The following GABRB3 variants were observed in gnomAD, a reference collection of about 807,000 sequenced individuals.
GABRB3 encodes gamma-aminobutyric acid receptor subunit beta-3.
GABRB3 carries 14 observed loss-of-function variants against 52.1 expected under a neutral mutation model. The observed-to-expected ratio is 0.27, with a 90% CI of 0.18 to 0.42. GABRB3 has a LOEUF of 0.42. Ranked by LOEUF, GABRB3 falls within the 10% of genes least tolerant of loss-of-function variation. The pLI is 1.00. For missense variants in GABRB3, 307 were observed against 609.1 expected, an observed-to-expected ratio of 0.50 and a Z score of 5.22; for synonymous variants, 260 against 232.3, an observed-to-expected ratio of 1.12 and a Z score of -1.08.
chr15:26,603,920 G>A (rs578206946), intron 4 of GABRB3, among the ~76,000 whole-genome samples: 1 of 152,156 alleles, frequency 6.6e-6, no homozygotes, highest in Admixed American at 6.5e-5. Context: ...GTAAGTCCTA[G>A]CTACAGAAAT....
At chr15:26,563,449 C>T (rs28681375) in intron 7 of GABRB3, among the ~76,000 whole-genome samples, 1 of 152,162 alleles carries the variant, frequency 6.6e-6, no homozygotes, top group South Asian at 2.1e-4. Flanking sequence ...ATTGCTTTAC[C>T]TGCTATGGGG....
chr15:26,567,236 G>A (rs554485959), intron 7 of GABRB3, among the ~76,000 whole-genome samples: 14 of 152,126 alleles, frequency 9.2e-5, no homozygotes, highest in Non-Finnish European at 1.9e-4. Flanking sequence ...AAAGAAGAAT[G>A]CACAATTAAT....
chr15:26,716,505 G>A, intron 3 of GABRB3: 1 of 718,418 alleles, frequency 1.4e-6, no homozygotes, highest in Non-Finnish European at 1.7e-6. Flanking sequence ...CGATGCTCAG[G>A]GGGTTTGAGC....
chr15:26,756,038 T>C (rs1053489446), intron 3 of GABRB3, among the ~76,000 whole-genome samples: 2 of 152,184 alleles, frequency 1.3e-5, no homozygotes, highest in Non-Finnish European at 2.9e-5. Flanking sequence ...AAAAGTATGA[T>C]AGTAACTTGT....
At chr15:26,766,233 G>A (rs932526441) in intron 3 of GABRB3, among the ~76,000 whole-genome samples, 1 of 152,172 alleles carries the variant, frequency 6.6e-6, no homozygotes, top group African/African-American at 2.4e-5. Flanking sequence ...GCAATGATCA[G>A]CATGCATAAG....
intron 4 of GABRB3, chr15:26,616,116 G>C (rs1002979874): frequency 8.3e-5 from 106 of 1,273,884 alleles, no homozygotes; most frequent in Non-Finnish European, 4.6e-5. Context: ...GCCCACTCCG[G>C]GCCTGCCATG....
intron 3 of GABRB3, among the ~76,000 whole-genome samples, chr15:26,669,796 C>T (rs1452926517): frequency 6.6e-6 from 1 of 152,200 alleles, no homozygotes; most frequent in Non-Finnish European, 1.5e-5. Flanking sequence ...CCACCATCAC[C>T]CACTCCCTGT....
At chr15:26,554,193 A>ATATATATATATATATATAC (rs1889659210) in intron 8 of GABRB3, among the ~76,000 whole-genome samples, 1 of 69,404 alleles carries the variant, frequency 1.4e-5, no homozygotes, top group Non-Finnish European at 2.9e-5. Context: ...TATATATACT[A>ATATATATATATATATATAC]TATATATATA....
At chr15:26,593,425 T>C (rs1046617602) in intron 4 of GABRB3, among the ~76,000 whole-genome samples, 14 of 152,314 alleles carry the variant, frequency 9.2e-5, no homozygotes, top group African/African-American at 3.1e-4. Context: ...AACTTTTTCA[T>C]CATCTCAAAC....
intron 3 of GABRB3, among the ~76,000 whole-genome samples, chr15:26,754,476 G>A (rs1428576283): frequency 6.6e-6 from 1 of 152,156 alleles, no homozygotes. Flanking sequence ...AACAGTTACT[G>A]ATTCATTTCA....
chr15:26,739,702 A>G (rs1203326221), intron 3 of GABRB3, among the ~76,000 whole-genome samples: 1 of 152,090 alleles, frequency 6.6e-6, no homozygotes, highest in Non-Finnish European at 1.5e-5. Context: ...TACATAATAG[A>G]TGTGTATATT....
At chr15:26,773,147 G>T, upstream of GABRB3, 1 of 387,170 alleles carries the variant, frequency 2.6e-6, no homozygotes, top group Non-Finnish European at 3.6e-6. Flanking sequence ...AGCGGGGAGG[G>T]AGGAGCGCGC....
In GABRB3 at chr15:26,694,878, G is replaced by T. The variant is rs369238182; in HGVS notation, c.241-73344C>A. ...TAAAGACACTAAATAAGGATTGAAAGAAAATGCTAGAAACCAAAAACACTG... is the reference window on the plus strand; with the variant it reads ...TAAAGACACTAAATAAGGATTGAAATAAAATGCTAGAAACCAAAAACACTG... On this transcript the variant is annotated intron_variant, in intron 3 of 8. Coordinates refer to ENST00000311550, the MANE Select transcript of GABRB3 (RefSeq NM_000814.6). 7.9e-4 allele frequency among the ~76,000 whole-genome samples: 121 copies of T among 152,286 alleles called. 2 individuals are homozygous for T. In the South Asian group the frequency reaches 0.025, roughly 31 times the overall value.
chr15:26,661,901 T>C (rs759007168), intron 3 of GABRB3, among the ~76,000 whole-genome samples: 8 of 152,098 alleles, frequency 5.3e-5, no homozygotes, highest in African/African-American at 7.2e-5. Context: ...ATGGTTGTTA[T>C]GTCTGACGTG....
At chr15:26,742,224 G>C (rs929327459) in intron 3 of GABRB3, among the ~76,000 whole-genome samples, 1 of 151,920 alleles carries the variant, frequency 6.6e-6, no homozygotes, top group Non-Finnish European at 1.5e-5. Context: ...TTTGCCTCTT[G>C]GGTCCTTCCC....
intron 4 of GABRB3, among the ~76,000 whole-genome samples, chr15:26,620,505 G>A (rs1194263440): frequency 6.6e-6 from 1 of 152,146 alleles, no homozygotes; most frequent in Admixed American, 6.5e-5. Flanking sequence ...ACTCAACACT[G>A]AGAGCCACTG....
chr15:26,572,840 G>A (rs1890457318), intron 6 of GABRB3, among the ~76,000 whole-genome samples: 1 of 152,156 alleles, frequency 6.6e-6, no homozygotes, highest in Non-Finnish European at 1.5e-5. Flanking sequence ...ACAGTCCCTG[G>A]GCACAAGTGC....
Position 26,544,117 on chromosome 15 carries a change from C to T in GABRB3, c.*3676G>A, listed in dbSNP as rs1889132592. On this transcript the variant is annotated 3_prime_UTR_variant, in exon 9 of 9. Transcript: ENST00000311550. Reference sequence around the variant, plus strand: ...TTCACCAATTGTTCAGTTTTGCTTACATAAAATGGCCAGAAATATGAACTG... The same window carrying T: ...TTCACCAATTGTTCAGTTTTGCTTATATAAAATGGCCAGAAATATGAACTG... 6.6e-6 allele frequency: 1 copy of T among 152,404 alleles called. No individual in the cohort carries two copies. Among genetic ancestry groups the T allele is most frequent in the East Asian group, 1.9e-4 (1 of 5,198 alleles). 9.4% of individuals were successfully genotyped at this position (152,404 alleles called of 1,614,324 possible). A position where few individuals can be genotyped will look rare whatever the true frequency, so the allele number is the denominator to read the frequency against.
At chr15:26,770,405 A>G (rs1440684824) in intron 3 of GABRB3, among the ~76,000 whole-genome samples, 1 of 152,230 alleles carries the variant, frequency 6.6e-6, no homozygotes, top group African/African-American at 2.4e-5. Flanking sequence ...GTTCAATACA[A>G]TGGCCTGTAT....
Sources: allele counts gnomAD v4.1 joint callset (sites outside exome capture counted in the v4.1 genomes callset), GRCh38; gene constraint gnomAD v4.1.1; transcripts MANE v1.5; gene names NCBI Gene and HGNC (gene_info 2026-07-23, HGNC 2026-07-21).